Variants in RAI14 observed in about 807,000 individuals in gnomAD.
RAI14 encodes ankycorbin.
A neutral mutation model predicts 115.4 loss-of-function variants in RAI14; 45 were observed. The observed-to-expected ratio is 0.39, with a 90% confidence interval of 0.31 to 0.50. The LOEUF is 0.50. RAI14 is among the 20% of genes least tolerant of loss of function. RAI14 has a pLI of 0.85. For missense variants in RAI14, 939 were observed against 1,131.2 expected (o/e 0.83, Z 2.44); for synonymous variants, 371 against 415.4 (o/e 0.89, Z 1.30).
chr5:34,700,325 G>A (rs1739907224), intron 2 of RAI14, among the ~76,000 whole-genome samples: 2 of 152,104 alleles, frequency 1.3e-5, no homozygotes, highest in African/African-American at 4.8e-5. Flanking sequence ...AGTGAGTTAA[G>A]TCCAGCAGTC....
At chr5:34,714,997 G>A (rs916994564) in intron 2 of RAI14, among the ~76,000 whole-genome samples, 2 of 152,106 alleles carry the variant, frequency 1.3e-5, no homozygotes, top group African/African-American at 4.8e-5. Context: ...AACCTCACCT[G>A]GTGTCCAGGT....
At chr5:34,756,149 G>A (rs938812219) in intron 2 of RAI14, among the ~76,000 whole-genome samples, 3 of 152,146 alleles carry the variant, frequency 2.0e-5, no homozygotes, top group African/African-American at 4.8e-5. Context: ...CCTACATATG[G>A]GCTAGGGTTG....
At chr5:34,673,336 C>T (rs906810025) in intron 1 of RAI14, among the ~76,000 whole-genome samples, 1 of 152,150 alleles carries the variant, frequency 6.6e-6, no homozygotes, top group African/African-American at 2.4e-5. Context: ...AGGACAGATC[C>T]ACAAGCAGTG....
chr5:34,809,824 T>C (rs551683011), intron 7 of RAI14, among the ~76,000 whole-genome samples: 10 of 152,324 alleles, frequency 6.6e-5, no homozygotes, highest in African/African-American at 2.4e-4. Flanking sequence ...CTTGGATAAC[T>C]TCTACGTAGA....
intron 2 of RAI14, among the ~76,000 whole-genome samples, chr5:34,694,368 G>A (rs1240817077): frequency 1.3e-5 from 2 of 152,212 alleles, no homozygotes; most frequent in Non-Finnish European, 2.9e-5. Flanking sequence ...GATCTTTGCT[G>A]TGTGGAGGTG....
intron 2 of RAI14, among the ~76,000 whole-genome samples, chr5:34,727,574 C>G (rs563773253): frequency 1.2e-3 from 190 of 152,252 alleles, no homozygotes; most frequent in African/African-American, 4.0e-3. Context: ...GGCCTGGGGC[C>G]CCCTTGCTGT....
chr5:34,687,517 A>T, intron 2 of RAI14: 2 of 1,373,402 alleles, frequency 1.5e-6, no homozygotes, highest in Non-Finnish European at 1.9e-6. Flanking sequence ...GGAAGCAGTT[A>T]TGATGTCAGA....
At chr5:34,817,286 A>AG (rs1756365515) in intron 12 of RAI14, among the ~76,000 whole-genome samples, 1 of 151,618 alleles carries the variant, frequency 6.6e-6, no homozygotes. Context: ...AAAAAAAAAA[A>AG]AAAGAAAAAG....
intron 5 of RAI14, among the ~76,000 whole-genome samples, chr5:34,804,909 C>G (rs1299183740): frequency 6.6e-6 from 1 of 152,148 alleles, no homozygotes; most frequent in Admixed American, 6.6e-5. Flanking sequence ...ATCTCCATTC[C>G]CATTCTGGCT....
intron 2 of RAI14, among the ~76,000 whole-genome samples, chr5:34,744,336 G>T (rs1271357104): frequency 1.3e-5 from 2 of 152,112 alleles, no homozygotes; most frequent in Non-Finnish European, 2.9e-5. Context: ...TGTTTATAAA[G>T]CAAATAATCT....
chr5:34,746,359 C>T (rs1746222059), intron 2 of RAI14, among the ~76,000 whole-genome samples: 1 of 150,832 alleles, frequency 6.6e-6, no homozygotes, highest in Admixed American at 6.6e-5. Context: ...CCTGCCTCAG[C>T]CTCCCAAAGT....
Position 34,664,191 on chromosome 5 carries a change from T to C in RAI14, c.-49+7716T>C, listed in dbSNP as rs566174468. 2.1e-4 allele frequency among the ~76,000 whole-genome samples: 32 copies of C among 152,082 alleles called. 1 individual carries two copies. The highest frequency in any genetic ancestry group is 6.8e-3 in the Middle Eastern group (2 of 294). On this transcript the variant is annotated intron_variant, in intron 1 of 17. Transcript: ENST00000265109. ...TCTTTCCTTATTTATTTATTTATTT[T>C]CTTAAATTGACATTTAGGCCAGGCA... is the stretch of plus-strand genomic sequence containing the variant.
chr5:34,696,128 A>C (rs1212135464), intron 2 of RAI14, among the ~76,000 whole-genome samples: 1 of 151,636 alleles, frequency 6.6e-6, no homozygotes. Flanking sequence ...CTAGCATTTT[A>C]TTTATTTTTT....
chr5:34,790,965 C>T (rs1255615404), intron 3 of RAI14, among the ~76,000 whole-genome samples: 4 of 151,806 alleles, frequency 2.6e-5, no homozygotes, highest in African/African-American at 4.8e-5. Flanking sequence ...TAAGTAATTC[C>T]ATTAGAGTCT....
At chr5:34,687,831 A>G (rs1272134925) in intron 2 of RAI14, 1 of 1,361,300 alleles carries the variant, frequency 7.3e-7, no homozygotes, top group African/African-American at 1.5e-5. Flanking sequence ...ACAGCTTGGC[A>G]CAGCTGCATT....
chr5:34,800,695 T>C (rs1302747307), intron 4 of RAI14, among the ~76,000 whole-genome samples: 1 of 152,186 alleles, frequency 6.6e-6, no homozygotes, highest in East Asian at 1.9e-4. Flanking sequence ...TTTGCTTCTA[T>C]AGAAACCCGG....
At chr5:34,782,415 A>T (rs546708852) in intron 3 of RAI14, among the ~76,000 whole-genome samples, 48 of 152,208 alleles carry the variant, frequency 3.2e-4, no homozygotes, top group Non-Finnish European at 6.3e-4. Flanking sequence ...TTGAAATCAC[A>T]GAGCTTTTAA....
intron 2 of RAI14, among the ~76,000 whole-genome samples, chr5:34,701,932 C>G (rs1197996863): frequency 6.6e-6 from 1 of 152,042 alleles, no homozygotes; most frequent in Non-Finnish European, 1.5e-5. Flanking sequence ...CCTGCCTCAG[C>G]CTCCCAAGTA....
intron 2 of RAI14, among the ~76,000 whole-genome samples, chr5:34,732,136 C>A (rs1744271349): frequency 6.6e-6 from 1 of 152,144 alleles, no homozygotes; most frequent in East Asian, 1.9e-4. Context: ...ATTGGGCATG[C>A]CTAGGGACAA....
Sources: gnomAD v4.1 joint callset for allele counts (sites outside exome capture counted in the v4.1 genomes callset) on GRCh38, gnomAD v4.1.1 for gene constraint, MANE v1.5 for transcripts, NCBI Gene and HGNC (gene_info 2026-07-23, HGNC 2026-07-21) for gene names.